Variants in OGDH observed in about 807,000 individuals in gnomAD.
OGDH encodes the protein 2-oxoglutarate dehydrogenase complex component E1.
Under a neutral mutation model 116.6 loss-of-function variants are expected in OGDH, and 38 were observed. That is an observed-to-expected ratio of 0.33 (90% confidence interval 0.25 to 0.43). The LOEUF is 0.43. OGDH is among the 20% of genes least tolerant of loss of function. The pLI, the probability that OGDH is intolerant of heterozygous loss-of-function variation, is 1.00. For synonymous variants in OGDH, 488 were observed against 533.3 expected (o/e 0.92, Z 1.17); for missense variants, 825 against 1,357.2 (o/e 0.61, Z 6.16).
At chr7:44,652,091 G>C (rs143524406) in intron 4 of OGDH, among the ~76,000 whole-genome samples, 2 of 151,598 alleles carry the variant, frequency 1.3e-5, no homozygotes, top group Non-Finnish European at 2.9e-5. Flanking sequence ...ATTGTGCCAG[G>C]TGATGGCTGG....
intron 1 of OGDH, among the ~76,000 whole-genome samples, chr7:44,609,184 A>G (rs964526443): frequency 1.3e-5 from 2 of 152,060 alleles, no homozygotes; most frequent in African/African-American, 4.8e-5. Flanking sequence ...TCCCTGGAGA[A>G]TCATCCAGGT....
At chr7:44,687,580 T>A (rs1012825547) in intron 10 of OGDH, among the ~76,000 whole-genome samples, 1 of 151,908 alleles carries the variant, frequency 6.6e-6, no homozygotes, top group South Asian at 2.1e-4. Context: ...CACACCTGGC[T>A]AATTTTTATG....
intron 10 of OGDH, among the ~76,000 whole-genome samples, chr7:44,689,674 C>G (rs1788290642): frequency 6.6e-6 from 1 of 152,006 alleles, no homozygotes; most frequent in African/African-American, 2.4e-5. Context: ...ATGTGTGTGT[C>G]TTTTCATTTG....
chr7:44,683,679 A>T (rs761091013), intron 10 of OGDH, among the ~76,000 whole-genome samples: 4 of 152,232 alleles, frequency 2.6e-5, no homozygotes, highest in Admixed American at 6.5e-5. Flanking sequence ...CCCTTTTAAA[A>T]TAATTTTAAT....
At chr7:44,664,686 G>A (rs7780417) in intron 4 of OGDH, among the ~76,000 whole-genome samples, 11 of 152,106 alleles carry the variant, frequency 7.2e-5, no homozygotes, top group African/African-American at 2.4e-4. Context: ...TCTTATGATT[G>A]TTTTGCATAT....
At chr7:44,650,202 T>C (rs547392904) in intron 4 of OGDH, among the ~76,000 whole-genome samples, 1 of 152,316 alleles carries the variant, frequency 6.6e-6, no homozygotes, top group African/African-American at 2.4e-5. Flanking sequence ...CATTTGTATC[T>C]GTAGGAAAAT....
chr7:44,709,027 C>T lies in OGDH; in HGVS notation c.*1028C>T, dbSNP rs754463957. The T allele has an allele frequency of 6.6e-6, 1 of 151,660 alleles. No individual in the cohort carries two copies. Among genetic ancestry groups the T allele is most frequent in the East Asian group, 1.9e-4 (1 of 5,188 alleles). 9.4% of individuals were successfully genotyped at this position (151,660 alleles called of 1,614,324 possible). ...AAAAAAAGGAACAGAAACAACTTTGCATTGCATTGGCTTGACCCATAAACT... is the reference window on the plus strand; with the variant it reads ...AAAAAAAGGAACAGAAACAACTTTGTATTGCATTGGCTTGACCCATAAACT... On this transcript the variant is annotated 3_prime_UTR_variant, in exon 23 of 23. Transcript: ENST00000222673.
intron 1 of OGDH, 62 bp from the exon 2 acceptor site, chr7:44,624,255 T>C (rs779939707): frequency 8.9e-7 from 1 of 1,128,316 alleles, no homozygotes; most frequent in Non-Finnish European, 1.3e-6. Flanking sequence ...AGTAGCCTTG[T>C]CTCCTAAATA....
At chr7:44,626,619 G>A (rs1054373015) in intron 2 of OGDH, among the ~76,000 whole-genome samples, 2 of 152,212 alleles carry the variant, frequency 1.3e-5, no homozygotes, top group Admixed American at 1.3e-4. Flanking sequence ...GTGATTCATG[G>A]GTAAAAGGTG....
At chr7:44,645,245 CAG>C in intron 2 of OGDH, 80 bp from the exon 3 acceptor site, 2 of 1,301,684 alleles carry the variant, frequency 1.5e-6, no homozygotes, top group Admixed American at 3.7e-5. Context: ...GCCTTGCCTG[CAG>C]AGAGCAGTTC....
intron 2 of OGDH, among the ~76,000 whole-genome samples, chr7:44,638,000 C>G (rs1024443765): frequency 2.0e-5 from 3 of 152,302 alleles, no homozygotes; most frequent in East Asian, 1.9e-4. Context: ...GCCCAGGACC[C>G]CTCACTCCTT....
chr7:44,620,591 T>C (rs560073319), intron 1 of OGDH, among the ~76,000 whole-genome samples: 9 of 152,342 alleles, frequency 5.9e-5, no homozygotes, highest in African/African-American at 2.2e-4. Flanking sequence ...AGACTGTTCT[T>C]TTCCCTGCTG....
intron 2 of OGDH, among the ~76,000 whole-genome samples, chr7:44,630,713 A>T (rs968814804): frequency 6.6e-6 from 1 of 152,220 alleles, no homozygotes; most frequent in African/African-American, 2.4e-5. Flanking sequence ...GTAATACCTA[A>T]TACAAGGTAA....
intron 10 of OGDH, among the ~76,000 whole-genome samples, chr7:44,682,925 G>A (rs1474383402): frequency 1.3e-5 from 2 of 151,942 alleles, no homozygotes; most frequent in Admixed American, 1.3e-4. Flanking sequence ...GAGGCAGACG[G>A]ATCATGAGGT....
At chr7:44,667,733 G>T (rs948106969) in intron 5 of OGDH, among the ~76,000 whole-genome samples, 1 of 152,166 alleles carries the variant, frequency 6.6e-6, no homozygotes, top group Non-Finnish European at 1.5e-5. Flanking sequence ...TTTGATGAGA[G>T]GTGCATGCCA....
intron 4 of OGDH, among the ~76,000 whole-genome samples, chr7:44,659,577 G>A (rs1299977744): frequency 6.6e-6 from 1 of 152,076 alleles, no homozygotes; most frequent in South Asian, 2.1e-4. Context: ...TAGCCATAGG[G>A]CTTTTCTAAT....
intron 2 of OGDH, among the ~76,000 whole-genome samples, chr7:44,631,485 T>C (rs1250034376): frequency 1.3e-5 from 2 of 152,240 alleles, no homozygotes; most frequent in Admixed American, 6.5e-5. Context: ...ACTTCACATG[T>C]TAAGAGCAAT....
intron 1 of OGDH, among the ~76,000 whole-genome samples, chr7:44,609,675 A>G (rs534126269): frequency 6.6e-6 from 1 of 152,258 alleles, no homozygotes; most frequent in South Asian, 2.1e-4. Context: ...ACAGATTTTT[A>G]TTTGAACATA....
intron 4 of OGDH, among the ~76,000 whole-genome samples, chr7:44,663,341 C>T (rs1787030738): frequency 1.3e-5 from 2 of 152,160 alleles, no homozygotes; most frequent in Non-Finnish European, 2.9e-5. Context: ...CTTAATTGCT[C>T]ATTGAAATTG....
Sources: gnomAD v4.1 joint callset for allele counts (sites outside exome capture counted in the v4.1 genomes callset) on GRCh38, gnomAD v4.1.1 for gene constraint, MANE v1.5 for transcripts, NCBI Gene and HGNC (gene_info 2026-07-23, HGNC 2026-07-21) for gene names.